Variants in CNTN5 observed in about 807,000 individuals in gnomAD.
CNTN5 encodes contactin 5, also known as contactin-5.
CNTN5 carries 77 observed loss-of-function variants against 129.1 expected under a neutral mutation model. The observed-to-expected ratio is 0.60, with a 90% CI of 0.50 to 0.72. The LOEUF is 0.72. CNTN5 is among the 30% of genes least tolerant of loss of function. The pLI is 0.00. For synonymous variants in CNTN5, 509 were observed against 465.6 expected, an observed-to-expected ratio of 1.09 and a Z score of -1.20; for missense variants, 1,478 against 1,328.8, an observed-to-expected ratio of 1.11 and a Z score of -1.75.
At chr11:100,295,917 G>T (rs889387004) in intron 18 of CNTN5, among the ~76,000 whole-genome samples, 1 of 151,368 alleles carries the variant, frequency 6.6e-6, no homozygotes, top group African/African-American at 2.4e-5. Flanking sequence ...GTGTATGTGT[G>T]TATGTATGTG....
intron 4 of CNTN5, among the ~76,000 whole-genome samples, chr11:99,827,680 T>C (rs566291203): frequency 6.6e-6 from 1 of 152,330 alleles, no homozygotes; most frequent in African/African-American, 2.4e-5. Flanking sequence ...CATAGCTTTG[T>C]TTCCAATATT....
rs948880921 is a variant in CNTN5 at position 99,750,185 on chromosome 11, G to T, written c.56-69359G>T. 1.6e-4 allele frequency among the ~76,000 whole-genome samples: 25 copies of T among 152,192 alleles called. No homozygotes were observed. The Middle Eastern group carries it at 0.01, about 63-fold the overall frequency. ...GAGGAATTAAATCTCCATATTATGTGTAAATCTACATTAAATTAATATACC... is the reference window on the plus strand; with the variant it reads ...GAGGAATTAAATCTCCATATTATGTTTAAATCTACATTAAATTAATATACC... On this transcript the variant is annotated intron_variant, in intron 3 of 24. Coordinates refer to ENST00000524871, the MANE Select transcript of CNTN5 (RefSeq NM_014361.4).
chr11:100,094,209 A>G (rs1466188), intron 13 of CNTN5, among the ~76,000 whole-genome samples: 5 of 152,026 alleles, frequency 3.3e-5, no homozygotes, highest in African/African-American at 4.8e-5. Flanking sequence ...CTTATCAGCT[A>G]TGGTCTATGG....
chr11:99,476,245 A>T (rs1945367814), intron 2 of CNTN5, among the ~76,000 whole-genome samples: 1 of 152,074 alleles, frequency 6.6e-6, no homozygotes, highest in Admixed American at 6.6e-5. Context: ...GCTAAAAATC[A>T]TATATGTGTT....
chr11:99,654,319 T>A (rs772773615), intron 3 of CNTN5, among the ~76,000 whole-genome samples: 5 of 152,214 alleles, frequency 3.3e-5, no homozygotes, highest in African/African-American at 4.8e-5. Context: ...ATTGGTAGCC[T>A]CCTCTTCCTA....
rs895712858 is a variant in CNTN5, at chr11:99,384,557, T to C, written c.-71+59073T>C. Among the ~76,000 whole-genome samples, 2 of 152,246 alleles carry C rather than the reference T, an allele frequency of 1.3e-5. 1 individual carries two copies. On this transcript the variant is annotated intron_variant, in intron 2 of 24. Transcript: ENST00000524871. ...GCAATGATAAAACTGGTCCGTGGTG[T>C]TTGTTGACAAGAGAAAAAGTGCATC...
At chr11:99,448,125 T>A (rs1565590379) in intron 2 of CNTN5, among the ~76,000 whole-genome samples, 1 of 152,110 alleles carries the variant, frequency 6.6e-6, no homozygotes, top group African/African-American at 2.4e-5. Context: ...TTCATCAAAT[T>A]TATCGCTAAA....
At chr11:99,923,195 A>G (rs1382123342) in intron 7 of CNTN5, among the ~76,000 whole-genome samples, 1 of 152,200 alleles carries the variant, frequency 6.6e-6, no homozygotes, top group African/African-American at 2.4e-5. Context: ...CAAGAGATCA[A>G]TATTAATCTC....
chr11:100,025,868 A>T (rs1159209804), intron 9 of CNTN5, among the ~76,000 whole-genome samples: 4 of 152,110 alleles, frequency 2.6e-5, no homozygotes, highest in African/African-American at 7.2e-5. Flanking sequence ...TTTTGATTTT[A>T]CAGGCTCATT....
chr11:99,330,586 G>T (rs10893131), intron 2 of CNTN5, among the ~76,000 whole-genome samples: 31,405 of 151,976 alleles, frequency 0.21, 3,241 homozygotes, highest in Middle Eastern at 0.26. Context: ...ACACCTGTTA[G>T]CAGGATTCAT....
rs139455958 is a variant in CNTN5 at position 99,990,988 on chromosome 11, G to T, written c.878-11046G>T. 1.1e-3 allele frequency among the ~76,000 whole-genome samples: 160 copies of T among 152,230 alleles called. 1 individual carries two copies. The highest frequency in any genetic ancestry group is 4.8e-3 in the South Asian group (23 of 4,818). On this transcript the variant is annotated intron_variant, in intron 8 of 24. Coordinates refer to ENST00000524871, the MANE Select transcript of CNTN5 (RefSeq NM_014361.4). ...GGAGGGAATTGTGTCACTTAACTAT[G>T]CATCACAGGTAGATATTTAATATGC... is the stretch of plus-strand genomic sequence containing the variant.
At chr11:99,547,248 G>T (rs188200045) in intron 2 of CNTN5, among the ~76,000 whole-genome samples, 2 of 151,890 alleles carry the variant, frequency 1.3e-5, no homozygotes, top group Non-Finnish European at 2.9e-5. Context: ...CAGGTGATCC[G>T]CCTGCCTCGG....
intron 3 of CNTN5, among the ~76,000 whole-genome samples, chr11:99,758,383 C>A (rs1331628617): frequency 6.6e-6 from 1 of 151,788 alleles, no homozygotes; most frequent in Non-Finnish European, 1.5e-5. Flanking sequence ...TTTGTCAGAC[C>A]AGACTAACGT....
intron 2 of CNTN5, among the ~76,000 whole-genome samples, chr11:99,498,222 T>C (rs1370878895): frequency 6.6e-6 from 1 of 152,192 alleles, no homozygotes; most frequent in Admixed American, 6.5e-5. Context: ...TTGATTTTTA[T>C]AATAAGTATA....
intron 13 of CNTN5, among the ~76,000 whole-genome samples, chr11:100,080,679 C>T (rs1039124766): frequency 5.3e-5 from 8 of 152,068 alleles, no homozygotes; most frequent in Admixed American, 1.3e-4. Context: ...TGCTAATGAA[C>T]AAGCTGTTTT....
chr11:100,065,185 T>C (rs1038999687), intron 10 of CNTN5, among the ~76,000 whole-genome samples: 1 of 152,168 alleles, frequency 6.6e-6, no homozygotes, highest in Non-Finnish European at 1.5e-5. Context: ...AGTGGTATTA[T>C]AGATTTCCTT....
At chr11:99,494,953 G>A (rs1207767809) in intron 2 of CNTN5, among the ~76,000 whole-genome samples, 1 of 151,906 alleles carries the variant, frequency 6.6e-6, no homozygotes, top group East Asian at 1.9e-4. Context: ...AATTATAATT[G>A]GTGCAAAGGT....
At chr11:99,536,720 C>T (rs1028650350) in intron 2 of CNTN5, among the ~76,000 whole-genome samples, 5 of 151,716 alleles carry the variant, frequency 3.3e-5, no homozygotes, top group Non-Finnish European at 2.9e-5. Flanking sequence ...CATGACAATT[C>T]TTTGGAGAAA....
intron 3 of CNTN5, among the ~76,000 whole-genome samples, chr11:99,785,855 C>G (rs1945502080): frequency 6.6e-6 from 1 of 152,054 alleles, no homozygotes; most frequent in South Asian, 2.1e-4. Context: ...GGACATATCT[C>G]AAAATAATAA....
Sources: gnomAD v4.1 joint callset for allele counts (sites outside exome capture counted in the v4.1 genomes callset) on GRCh38, gnomAD v4.1.1 for gene constraint, MANE v1.5 for transcripts, NCBI Gene and HGNC (gene_info 2026-07-23, HGNC 2026-07-21) for gene names.